Variants in GABBR2 observed in about 807,000 individuals in gnomAD.
GABBR2 encodes the protein gamma-aminobutyric acid type B receptor subunit 2.
A neutral mutation model predicts 105.6 loss-of-function variants in GABBR2; 23 were observed. The observed-to-expected ratio is 0.22, with a 90% CI of 0.16 to 0.31. The LOEUF is 0.31. Ranked by LOEUF, GABBR2 falls within the 10% of genes least tolerant of loss-of-function variation. The pLI, the probability that GABBR2 is intolerant of heterozygous loss-of-function variation, is 1.00. For synonymous variants in GABBR2, 478 were observed against 499.7 expected, an observed-to-expected ratio of 0.96 and a Z score of 0.58; for missense variants, 734 against 1,245.5, an observed-to-expected ratio of 0.59 and a Z score of 6.18.
intron 7 of GABBR2, among the ~76,000 whole-genome samples, chr9:98,433,526 C>G (rs1825848068): frequency 6.6e-6 from 1 of 152,138 alleles, no homozygotes. Context: ...AGGCAATATC[C>G]TATATGTTTT....
At chr9:98,702,557 C>G (rs922920390) in intron 1 of GABBR2, among the ~76,000 whole-genome samples, 1 of 152,180 alleles carries the variant, frequency 6.6e-6, no homozygotes, top group Non-Finnish European at 1.5e-5. Flanking sequence ...TCCCACCTTC[C>G]GGACACAGCA....
intron 13 of GABBR2, among the ~76,000 whole-genome samples, chr9:98,331,570 G>A (rs1831026858): frequency 6.6e-6 from 1 of 152,070 alleles, no homozygotes; most frequent in Admixed American, 6.6e-5. Flanking sequence ...ATCAGGGGCT[G>A]CACCTAACCC....
chr9:98,447,521 T>C (rs1277980618), intron 7 of GABBR2, among the ~76,000 whole-genome samples: 2 of 144,860 alleles, frequency 1.4e-5, no homozygotes, highest in Non-Finnish European at 3.0e-5. Context: ...AACAAGATGA[T>C]ATGTAACTAG....
Position 98,306,589 on chromosome 9 carries a change from T to C in GABBR2, c.2005-244A>G. 2 of 550,858 alleles carry C rather than the reference T, an allele frequency of 3.6e-6. No individual in the cohort carries two copies. Among genetic ancestry groups the C allele is most frequent in the Non-Finnish European group, 6.5e-6 (2 of 305,542 alleles). 34.1% of individuals were successfully genotyped at this position (550,858 alleles called of 1,614,324 possible). The stretch of plus-strand genomic sequence containing the variant: ...CAGCTGTCCAGTTCTCCTGCACCCC[T>C]ATGACTGGTTCATGCACAGACCTGC... On this transcript the variant is annotated intron_variant, in intron 14 of 18. Coordinates refer to ENST00000259455, the MANE Select transcript of GABBR2 (RefSeq NM_005458.8). This position sits in a 1 kb window ranked among gnomAD's most constrained non-coding sequence, Gnocchi z 5.4.
intron 9 of GABBR2, among the ~76,000 whole-genome samples, chr9:98,392,985 T>G (rs1832211379): frequency 9.8e-6 from 1 of 101,906 alleles, no homozygotes; most frequent in African/African-American, 3.6e-5. Context: ...CACCTATCCA[T>G]CTATCCATCC....
rs1345005981 is a variant in GABBR2, at chr9:98,454,098, C to A, written c.1119G>T (p.Met373Ile). 1 of 1,614,010 alleles carries A rather than the reference C, an allele frequency of 6.2e-7. No homozygotes were observed. The highest frequency in any genetic ancestry group is 1.7e-5 in the Admixed American group (1 of 60,022). The change falls in exon 7 of 19, where the codon ATG becomes ATT. Residue 373 changes from methionine (M) to isoleucine (I), a missense_variant. By Grantham distance (10) the Met-to-Ile change is conservative. Coordinates refer to ENST00000259455, the MANE Select transcript of GABBR2 (RefSeq NM_005458.8). This position sits in a 1 kb window ranked among gnomAD's most constrained non-coding sequence, Gnocchi z 4.6. ...GCCGGCTGCTGGCATGCAGTGTCTC[C>A]ATGGCCCTCTGCAGTGTCTTGGCGA... ...WVIAKTLQRA[M>I]ETLHASSRHQ...
chr9:98,680,171 T>C (rs1002368251), intron 1 of GABBR2, among the ~76,000 whole-genome samples: 1 of 152,018 alleles, frequency 6.6e-6, no homozygotes, highest in Non-Finnish European at 1.5e-5. Flanking sequence ...CAGGTAAGAA[T>C]AAAAGAAAAG....
At chr9:98,697,353 T>C (rs1459715306) in intron 1 of GABBR2, among the ~76,000 whole-genome samples, 1 of 151,980 alleles carries the variant, frequency 6.6e-6, no homozygotes, top group Non-Finnish European at 1.5e-5. Context: ...TAGCCGGGCG[T>C]GGTGGCGGGC....
intron 6 of GABBR2, among the ~76,000 whole-genome samples, chr9:98,468,965 A>G (rs963613280): frequency 6.6e-6 from 1 of 152,172 alleles, no homozygotes; most frequent in Non-Finnish European, 1.5e-5. Flanking sequence ...CAAGTCCTGG[A>G]TCTGCCTCTA....
intron 10 of GABBR2, among the ~76,000 whole-genome samples, chr9:98,386,754 C>T (rs1238030263): frequency 1.1e-4 from 16 of 152,198 alleles, no homozygotes. Context: ...TTTTCCTTTG[C>T]ATTCTCCAGT....
intron 7 of GABBR2, among the ~76,000 whole-genome samples, chr9:98,430,884 T>A (rs1331869422): frequency 6.6e-6 from 1 of 151,924 alleles, no homozygotes; most frequent in Non-Finnish European, 1.5e-5. Context: ...CACTGTCCTC[T>A]GCTGCTTGTA....
At chr9:98,452,699 C>T (rs1241674815) in intron 7 of GABBR2, among the ~76,000 whole-genome samples, 1 of 152,116 alleles carries the variant, frequency 6.6e-6, no homozygotes. Flanking sequence ...GAAGTATTAG[C>T]CATATTATCA....
intron 7 of GABBR2, among the ~76,000 whole-genome samples, chr9:98,410,522 T>C (rs1291409978): frequency 6.6e-6 from 1 of 150,742 alleles, no homozygotes; most frequent in Non-Finnish European, 1.5e-5. Context: ...TTTTTTTTTT[T>C]TTCTTCCTCT....
intron 1 of GABBR2, among the ~76,000 whole-genome samples, chr9:98,634,332 C>T (rs2779543): frequency 0.25 from 37,710 of 152,134 alleles, 5,488 homozygotes; most frequent in East Asian, 0.53. Context: ...GTGAAATTCA[C>T]GTCCACCTGG....
intron 1 of GABBR2, among the ~76,000 whole-genome samples, chr9:98,684,436 A>G (rs532728379): frequency 6.6e-6 from 1 of 152,336 alleles, no homozygotes; most frequent in Admixed American, 6.5e-5. Flanking sequence ...CTCTCCAAAT[A>G]TGAAAATAGG....
chr9:98,364,150 C>T (rs150345962), intron 12 of GABBR2, among the ~76,000 whole-genome samples: 6 of 152,284 alleles, frequency 3.9e-5, no homozygotes, highest in Admixed American at 1.3e-4. Context: ...GGCAGGGCAC[C>T]GGCAAAGCCC....
intron 11 of GABBR2, 84 bp downstream of exon 11, chr9:98,385,556 T>A: frequency 9.4e-7 from 1 of 1,069,360 alleles, no homozygotes; most frequent in East Asian, 2.4e-5. Flanking sequence ...CATGTATTTC[T>A]GGGTTTGCAT....
chr9:98,643,212 G>C (rs764819019), intron 1 of GABBR2, among the ~76,000 whole-genome samples: 2 of 152,246 alleles, frequency 1.3e-5, no homozygotes, highest in African/African-American at 2.4e-5. Context: ...AACCCTGCCA[G>C]CCACTGCTGT....
intron 15 of GABBR2, among the ~76,000 whole-genome samples, chr9:98,305,364 T>C (rs556192721): frequency 6.6e-6 from 1 of 152,374 alleles, no homozygotes; most frequent in East Asian, 1.9e-4. Context: ...AGAAAAAATG[T>C]TCATTTCTAA....
Sources: gnomAD v4.1 joint callset for allele counts (sites outside exome capture counted in the v4.1 genomes callset) on GRCh38, gnomAD v4.1.1 for gene constraint, Gnocchi (gnomAD v3.1) non-coding constraint, MANE v1.5 for transcripts, NCBI Gene and HGNC (gene_info 2026-07-23, HGNC 2026-07-21) for gene names.